The following UBR3 variants were observed in gnomAD, a reference collection of about 807,000 sequenced individuals.
The protein encoded by UBR3 is E3 ubiquitin-protein ligase UBR3.
In UBR3, 85 loss-of-function variants were observed where a neutral mutation model predicts 243.2. The observed-to-expected ratio is 0.35, with a 90% CI of 0.29 to 0.42. The LOEUF (loss-of-function observed/expected upper bound fraction) is 0.42. Among genes scored for constraint, UBR3 ranks in the 10% least tolerant of loss-of-function variants. UBR3 has a pLI of 1.00. For missense variants in UBR3, 1,686 were observed against 2,300.8 expected (o/e 0.73, Z 5.47); for synonymous variants, 748 against 799.8 (o/e 0.94, Z 1.09).
chr2:169,910,927 G>A (rs544436045), intron 10 of UBR3, among the ~76,000 whole-genome samples: 1 of 152,214 alleles, frequency 6.6e-6, no homozygotes, highest in South Asian at 2.1e-4. Context: ...TCAGGGTTTA[G>A]AAGTATAAAC....
chr2:169,976,994 G>C (rs1451760615), intron 24 of UBR3, among the ~76,000 whole-genome samples: 3 of 148,332 alleles, frequency 2.0e-5, no homozygotes, highest in African/African-American at 7.5e-5. Context: ...CAAGTCTGCT[G>C]TTGAAGCTTT....
intron 25 of UBR3, 54 bp downstream of exon 25, chr2:169,986,848 A>G (rs1316348704): frequency 7.7e-6 from 12 of 1,562,394 alleles, no homozygotes; most frequent in Non-Finnish European, 1.1e-5. Context: ...AGTATATACA[A>G]CAGATTAATA....
intron 1 of UBR3, among the ~76,000 whole-genome samples, chr2:169,837,472 G>A (rs1011198680): frequency 2.6e-5 from 4 of 152,156 alleles, no homozygotes; most frequent in Admixed American, 6.6e-5. Flanking sequence ...GGAAATCTCC[G>A]TCTCAAAAAG....
At chr2:169,898,195 T>C (rs545163609) in intron 8 of UBR3, among the ~76,000 whole-genome samples, 31 of 152,216 alleles carry the variant, frequency 2.0e-4, no homozygotes, top group Middle Eastern at 3.2e-3. Context: ...GGAGAAATCT[T>C]ATAGTTGAGC....
At chr2:170,012,934 A>G (rs1373611562) in intron 29 of UBR3, among the ~76,000 whole-genome samples, 2 of 152,160 alleles carry the variant, frequency 1.3e-5, no homozygotes, top group African/African-American at 4.8e-5. Context: ...GCATAGTTAG[A>G]GGGGTTTTTA....
At chr2:169,971,238 T>A (rs1024838423) in intron 24 of UBR3, among the ~76,000 whole-genome samples, 7 of 150,450 alleles carry the variant, frequency 4.7e-5, no homozygotes, top group Admixed American at 4.0e-4. Flanking sequence ...CTTTGTCAGG[T>A]GAGTAGGTTG....
chr2:169,993,298 C>CTT (rs2105393579), intron 25 of UBR3, among the ~76,000 whole-genome samples: 1 of 152,284 alleles, frequency 6.6e-6, no homozygotes, highest in South Asian at 2.1e-4. Context: ...GTATATACCA[C>CTT]TTTACCATTA....
At chr2:169,860,571 G>A (rs1456139976) in intron 1 of UBR3, among the ~76,000 whole-genome samples, 2 of 151,732 alleles carry the variant, frequency 1.3e-5, no homozygotes, top group African/African-American at 4.8e-5. Flanking sequence ...TTTCCTCAGT[G>A]TGAGTTTTTC....
rs1375723093 is a variant in UBR3, at chr2:170,023,993, C to T, written c.4454-5353C>T. Among the ~76,000 whole-genome samples the T allele has an allele frequency of 7.9e-5, 12 of 152,262 alleles. 1 individual carries two copies. Among genetic ancestry groups the T allele is most frequent in the East Asian group, 5.8e-4 (3 of 5,182 alleles). ...CTGGGATTACAGGCATGAGCCACCG[C>T]GCCTGGCAGAAAGTCTTTGGGATAA... On this transcript the variant is annotated intron_variant, in intron 30 of 38. Transcript: ENST00000272793.
intron 16 of UBR3, 61 bp from the exon 17 acceptor site, chr2:169,927,259 G>T (rs72891954): frequency 7.0e-7 from 1 of 1,435,116 alleles, no homozygotes; most frequent in African/African-American, 1.4e-5. Context: ...AGTGTGGTAA[G>T]TTTTTTTCTT....
At chr2:169,958,350 G>A (rs2087407821) in intron 23 of UBR3, 88 bp from the exon 24 acceptor site, 1 of 1,117,504 alleles carries the variant, frequency 8.9e-7, no homozygotes, top group Non-Finnish European at 1.3e-6. Context: ...GTGTGCCAGG[G>A]GCTTTTCATA....
At chr2:169,966,900 G>C (rs569603920) in intron 24 of UBR3, among the ~76,000 whole-genome samples, 3 of 151,836 alleles carry the variant, frequency 2.0e-5, no homozygotes, top group Admixed American at 2.0e-4. Flanking sequence ...TAATATTAAT[G>C]ATAATAAACA....
At chr2:169,902,854 C>T (rs1188396801) in intron 8 of UBR3, among the ~76,000 whole-genome samples, 1 of 152,184 alleles carries the variant, frequency 6.6e-6, no homozygotes, top group Admixed American at 6.5e-5. Flanking sequence ...AGGTGATTCG[C>T]CCATTTTGGC....
chr2:170,055,248 G>T (rs938661101), intron 32 of UBR3, among the ~76,000 whole-genome samples: 3 of 152,150 alleles, frequency 2.0e-5, no homozygotes, highest in Admixed American at 6.5e-5. Flanking sequence ...GGAGGTCGAG[G>T]CTTCAGTAAA....
chr2:170,066,825 A>C (rs112642753), intron 35 of UBR3, among the ~76,000 whole-genome samples: 1 of 151,978 alleles, frequency 6.6e-6, no homozygotes, highest in South Asian at 2.1e-4. Context: ...TTAGCCAGGC[A>C]TGGTGGCGGG....
chr2:169,831,831 C>T (rs1174214175), intron 1 of UBR3, among the ~76,000 whole-genome samples: 1 of 152,112 alleles, frequency 6.6e-6, no homozygotes, highest in Non-Finnish European at 1.5e-5. Context: ...TTAAAAACCC[C>T]TTTAGATTGC....
intron 18 of UBR3, 29 bp downstream of exon 18, chr2:169,928,897 T>C (rs2086009727): frequency 2.2e-6 from 3 of 1,349,768 alleles, no homozygotes; most frequent in Non-Finnish European, 9.7e-7. Flanking sequence ...ATGGACTCTT[T>C]CAAATATCAG....
chr2:170,044,422 A>C (rs2091035789), intron 32 of UBR3, among the ~76,000 whole-genome samples: 1 of 152,288 alleles, frequency 6.6e-6, no homozygotes, highest in South Asian at 2.1e-4. Context: ...TTATCTCATC[A>C]GAAGCTCAAA....
At chr2:170,005,482 G>A (rs62172019) in intron 27 of UBR3, among the ~76,000 whole-genome samples, 6,502 of 152,248 alleles carry the variant, frequency 0.043, 228 homozygotes, top group South Asian at 0.058. Flanking sequence ...AGGGCGAGTG[G>A]GAAATGTTGC....
Sources: allele counts gnomAD v4.1 joint callset (sites outside exome capture counted in the v4.1 genomes callset), GRCh38; gene constraint gnomAD v4.1.1; transcripts MANE v1.5; gene names NCBI Gene and HGNC (gene_info 2026-07-23, HGNC 2026-07-21).